The following LRMDA variants were observed in gnomAD, a reference collection of about 807,000 sequenced individuals.
The protein encoded by LRMDA is leucine-rich melanocyte differentiation-associated protein.
Under a neutral mutation model 29.8 loss-of-function variants are expected in LRMDA, and 18 were observed. The ratio of observed to expected loss-of-function variants is 0.60; its 90% CI spans 0.42 to 0.90. The LOEUF (loss-of-function observed/expected upper bound fraction) is 0.90. LRMDA is among the 40% of genes least tolerant of loss of function. The probability of loss-of-function intolerance (pLI) is 0.00; values close to 1 mark genes in which losing one functional copy is unlikely to be tolerated. For missense variants in LRMDA, 273 were observed against 273.9 expected, an observed-to-expected ratio of 1.00 and a Z score of 0.02; for synonymous variants, 125 against 109.4, an observed-to-expected ratio of 1.14 and a Z score of -0.89.
At chr10:75,926,824 G>A (rs1846127961) in intron 2 of LRMDA, among the ~76,000 whole-genome samples, 2 of 152,308 alleles carry the variant, frequency 1.3e-5, no homozygotes, top group South Asian at 4.1e-4. Context: ...AGGAGACCTT[G>A]TTGTTTTTCT....
intron 5 of LRMDA, among the ~76,000 whole-genome samples, chr10:76,078,678 A>G (rs1849001740): frequency 6.6e-6 from 1 of 152,100 alleles, no homozygotes; most frequent in South Asian, 2.1e-4. Flanking sequence ...TACTAAAAAT[A>G]CAAAAAAATT....
intron 2 of LRMDA, among the ~76,000 whole-genome samples, chr10:75,906,519 A>G (rs1845761609): frequency 6.6e-6 from 1 of 152,110 alleles, no homozygotes; most frequent in Non-Finnish European, 1.5e-5. Flanking sequence ...GCTGCTTACC[A>G]TATTAATAGG....
At chr10:76,469,948 C>T (rs566079611) in intron 6 of LRMDA, among the ~76,000 whole-genome samples, 12 of 152,104 alleles carry the variant, frequency 7.9e-5, no homozygotes, top group Non-Finnish European at 1.0e-4. Context: ...AAACCAACAA[C>T]TTCCCATCCC....
At chr10:76,405,564 A>G (rs1841894277) in intron 6 of LRMDA, among the ~76,000 whole-genome samples, 1 of 152,126 alleles carries the variant, frequency 6.6e-6, no homozygotes, top group Non-Finnish European at 1.5e-5. Flanking sequence ...TAAGGATGTG[A>G]TTGACTGGTG....
At chr10:75,545,795 G>T (rs1840074405) in intron 2 of LRMDA, among the ~76,000 whole-genome samples, 1 of 152,104 alleles carries the variant, frequency 6.6e-6, no homozygotes, top group Admixed American at 6.5e-5. Flanking sequence ...TAAGCTTCAT[G>T]GTCTAGAACT....
At position 75,558,683 on chromosome 10, in the gene LRMDA, C is replaced by G. The variant is rs577887766; in HGVS notation, c.131+120189C>G. Among the ~76,000 whole-genome samples, 3 of 148,610 alleles carry G rather than the reference C, an allele frequency of 2.0e-5. No homozygotes were observed. The East Asian group carries it at 6.0e-4, about 30-fold the overall frequency. On this transcript the variant is annotated intron_variant, in intron 2 of 6. Coordinates refer to ENST00000611255, the MANE Select transcript of LRMDA (RefSeq NM_001305581.2). Reference sequence around the variant, plus strand: ...TCTCCTAATGCTATCCCTCCCCACTCCCCCCACCCCACAACAGTCCCCAGA... The same window carrying G: ...TCTCCTAATGCTATCCCTCCCCACTGCCCCCACCCCACAACAGTCCCCAGA...
chr10:75,828,758 C>T (rs915467042), intron 2 of LRMDA, among the ~76,000 whole-genome samples: 6 of 152,122 alleles, frequency 3.9e-5, no homozygotes, highest in African/African-American at 1.4e-4. Context: ...GTAAATTCTC[C>T]AGCATTAAGG....
At chr10:76,492,738 G>A (rs556931511) in intron 6 of LRMDA, among the ~76,000 whole-genome samples, 4 of 152,164 alleles carry the variant, frequency 2.6e-5, no homozygotes, top group Admixed American at 6.5e-5. Context: ...GGCAGAAGGT[G>A]CCTCTTCACA....
intron 2 of LRMDA, among the ~76,000 whole-genome samples, chr10:75,902,811 C>G (rs1564601964): frequency 6.6e-6 from 1 of 152,138 alleles, no homozygotes; most frequent in Non-Finnish European, 1.5e-5. Flanking sequence ...GTGAGGAGGG[C>G]CAACCCAGGG....
chr10:75,967,505 A>G (rs915390992), intron 2 of LRMDA, among the ~76,000 whole-genome samples: 6 of 152,246 alleles, frequency 3.9e-5, no homozygotes, highest in African/African-American at 9.6e-5. Context: ...TTAAAATTCA[A>G]TCCACTTTGG....
At chr10:76,098,811 G>A in intron 5 of LRMDA, among the ~76,000 whole-genome samples, 1 of 152,162 alleles carries the variant, frequency 6.6e-6, no homozygotes, top group Admixed American at 6.5e-5. Flanking sequence ...CAAGCATTTA[G>A]GAATCAGAGT....
intron 2 of LRMDA, among the ~76,000 whole-genome samples, chr10:75,777,350 G>T (rs1288534848): frequency 6.6e-6 from 1 of 152,172 alleles, no homozygotes; most frequent in East Asian, 1.9e-4. Flanking sequence ...TGCTATTCAG[G>T]GTGTTAATTG....
intron 5 of LRMDA, among the ~76,000 whole-genome samples, chr10:76,065,043 T>A (rs1482083253): frequency 6.6e-6 from 1 of 152,244 alleles, no homozygotes; most frequent in East Asian, 1.9e-4. Context: ...CTGTTTTTTT[T>A]AAGAAAATGC....
intron 5 of LRMDA, among the ~76,000 whole-genome samples, chr10:76,271,672 G>A (rs1840069744): frequency 6.6e-6 from 1 of 152,146 alleles, no homozygotes; most frequent in Non-Finnish European, 1.5e-5. Context: ...TTGCATAGCT[G>A]TGGATATATA....
At chr10:75,814,894 C>T (rs990793668) in intron 2 of LRMDA, among the ~76,000 whole-genome samples, 18 of 152,246 alleles carry the variant, frequency 1.2e-4, no homozygotes, top group Middle Eastern at 3.4e-3. Flanking sequence ...TTAAGAAAAT[C>T]GTTGCACATT....
intron 5 of LRMDA, among the ~76,000 whole-genome samples, chr10:76,160,306 A>C (rs567057223): frequency 6.6e-6 from 1 of 151,680 alleles, no homozygotes; most frequent in Middle Eastern, 3.4e-3. Flanking sequence ...GACCTTAAAT[A>C]TTTTATAATT....
At chr10:75,959,395 G>A (rs1589267321) in intron 2 of LRMDA, among the ~76,000 whole-genome samples, 1 of 152,270 alleles carries the variant, frequency 6.6e-6, no homozygotes, top group East Asian at 1.9e-4. Context: ...CATACCACAT[G>A]TATAAGTCAG....
intron 2 of LRMDA, among the ~76,000 whole-genome samples, chr10:75,953,371 T>C (rs1396279486): frequency 1.3e-5 from 2 of 152,194 alleles, no homozygotes; most frequent in Non-Finnish European, 2.9e-5. Context: ...TGAGCCACCA[T>C]GCCTAGCAGG....
At chr10:75,691,538 T>G (rs187345152) in intron 2 of LRMDA, among the ~76,000 whole-genome samples, 1 of 152,274 alleles carries the variant, frequency 6.6e-6, no homozygotes, top group Admixed American at 6.5e-5. Context: ...ACAAAAGGCA[T>G]GTGGTTCTCA....
Sources: gnomAD v4.1 joint callset for allele counts (sites outside exome capture counted in the v4.1 genomes callset) on GRCh38, gnomAD v4.1.1 for gene constraint, MANE v1.5 for transcripts, NCBI Gene and HGNC (gene_info 2026-07-23, HGNC 2026-07-21) for gene names.